The following PGBD5 variants were observed in gnomAD, a reference collection of about 807,000 sequenced individuals.
The protein encoded by PGBD5 is piggyBac transposable element derived 5, also known as piggyBac transposable element-derived protein 5.
PGBD5 carries 14 observed loss-of-function variants against 47.9 expected under a neutral mutation model. The ratio of observed to expected loss-of-function variants is 0.29; its 90% CI spans 0.19 to 0.46. PGBD5 has a LOEUF of 0.46. Among genes scored for constraint, PGBD5 ranks in the 20% least tolerant of loss-of-function variants. The pLI is 1.00. For synonymous variants in PGBD5, 316 were observed against 306.3 expected (o/e 1.03, Z -0.33); for missense variants, 635 against 716.0 (o/e 0.89, Z 1.29).
At chr1:230,368,418 T>C (rs1456354343) in intron 1 of PGBD5, among the ~76,000 whole-genome samples, 1 of 152,238 alleles carries the variant, frequency 6.6e-6, no homozygotes, top group African/African-American at 2.4e-5. Flanking sequence ...CTGTCATTTA[T>C]GGTGAATCCC....
intron 1 of PGBD5, among the ~76,000 whole-genome samples, chr1:230,378,420 A>G (rs1359491278): frequency 6.6e-6 from 1 of 152,258 alleles, no homozygotes; most frequent in Non-Finnish European, 1.5e-5. Context: ...CTCTGTATTC[A>G]GAAATCTCCC....
chr1:230,377,392 C>T, intron 1 of PGBD5: 1 of 1,273,394 alleles, frequency 7.9e-7, no homozygotes, highest in Non-Finnish European at 1.1e-6. Context: ...GTGATAAATC[C>T]TTCATAAAGG....
rs575413333 is a variant in PGBD5 at position 230,370,856 on chromosome 1, G to A, written c.332-13535C>T. ...AGAGCCCCTTTGGTGTTCACCTCTC[G>A]AAGCTGCCCGTCTGTGATCTGGTCC... On this transcript the variant is annotated intron_variant, in intron 1 of 6. Transcript: ENST00000391860. Among the ~76,000 whole-genome samples the A allele has an allele frequency of 1.1e-4, 17 of 152,320 alleles. No individual in the cohort carries two copies. In the South Asian group the frequency reaches 1.5e-3, roughly 13 times the overall value.
At chr1:230,413,601 A>T (rs944599967) in intron 1 of PGBD5, among the ~76,000 whole-genome samples, 4 of 152,194 alleles carry the variant, frequency 2.6e-5, no homozygotes, top group Non-Finnish European at 4.4e-5. Flanking sequence ...GAGATTTTTT[A>T]AATCATTAAA....
intron 1 of PGBD5, among the ~76,000 whole-genome samples, chr1:230,391,443 T>G (rs1656783611): frequency 6.6e-6 from 1 of 152,228 alleles, no homozygotes; most frequent in Non-Finnish European, 1.5e-5. Context: ...AGAGAATTTC[T>G]CAAATTGCAT....
chr1:230,374,170 G>A (rs947634014), intron 1 of PGBD5, among the ~76,000 whole-genome samples: 1 of 152,172 alleles, frequency 6.6e-6, no homozygotes, highest in Admixed American at 6.5e-5. Flanking sequence ...TGTAATCCCA[G>A]CACTTTGGGA....
Position 230,315,617 on chromosome 1 carries a change from G to C in PGBD5, c.*7808C>G, listed in dbSNP as rs958408736. The C allele has an allele frequency of 6.6e-6, 1 of 151,918 alleles. No individual in the cohort carries two copies. The highest frequency in any genetic ancestry group is 6.5e-5 in the Admixed American group (1 of 15,272). The allele number at this position is 151,918 out of a possible 1,614,324, so 9.4% of individuals were successfully genotyped here. ...GGGGCCAGGACTGGACATGTGGTTT[G>C]ATTGCTAAGGACCTAGCAGAGGCTC... On this transcript the variant is annotated 3_prime_UTR_variant, in exon 7 of 7. Coordinates refer to ENST00000391860, the MANE Select transcript of PGBD5 (RefSeq NM_001258311.2).
At chr1:230,383,576 T>C (rs1164280529) in intron 1 of PGBD5, among the ~76,000 whole-genome samples, 6 of 152,156 alleles carry the variant, frequency 3.9e-5, no homozygotes, top group Non-Finnish European at 8.8e-5. Flanking sequence ...CTCACTATGT[T>C]GCCCAGGCTG....
chr1:230,392,947 G>C (rs1367485578), intron 1 of PGBD5, among the ~76,000 whole-genome samples: 1 of 151,792 alleles, frequency 6.6e-6, no homozygotes, highest in Non-Finnish European at 1.5e-5. Flanking sequence ...GGAACTGGAG[G>C]GAGAGGCACA....
chr1:230,356,322 A>G (rs1667645072), intron 2 of PGBD5, among the ~76,000 whole-genome samples: 1 of 152,156 alleles, frequency 6.6e-6, no homozygotes. Context: ...TCGGGAGCTG[A>G]GAGTAGGCAG....
chr1:230,391,626 A>G (rs982923056), intron 1 of PGBD5, among the ~76,000 whole-genome samples: 2 of 152,170 alleles, frequency 1.3e-5, no homozygotes, highest in African/African-American at 4.8e-5. Flanking sequence ...CAGTAAAACA[A>G]TTTCCAAGAC....
chr1:230,351,163 T>C, intron 2 of PGBD5, 71 bp from the exon 3 acceptor site: 1 of 1,481,352 alleles, frequency 6.8e-7, no homozygotes, highest in Non-Finnish European at 9.0e-7. Flanking sequence ...AGATTGGAGC[T>C]CAAATTCAGC....
chr1:230,362,437 G>C, intron 1 of PGBD5: 1 of 1,282,276 alleles, frequency 7.8e-7, no homozygotes, highest in Non-Finnish European at 1.0e-6. Flanking sequence ...CTGGACCGTG[G>C]CAAGCTCTTT....
At chr1:230,345,365 C>T (rs549256245) in intron 3 of PGBD5, among the ~76,000 whole-genome samples, 1 of 152,328 alleles carries the variant, frequency 6.6e-6, no homozygotes, top group Admixed American at 6.5e-5. Context: ...AGGTGGCTTT[C>T]CCCTACACTG....
intron 2 of PGBD5, among the ~76,000 whole-genome samples, chr1:230,355,233 G>C (rs559958877): frequency 6.6e-6 from 1 of 152,334 alleles, no homozygotes; most frequent in African/African-American, 2.4e-5. Flanking sequence ...GCCAGGCTCA[G>C]CAATGCTGCT....
At chr1:230,366,048 C>T (rs1667828252) in intron 1 of PGBD5, among the ~76,000 whole-genome samples, 1 of 152,234 alleles carries the variant, frequency 6.6e-6, no homozygotes, top group South Asian at 2.1e-4. Context: ...CTCCTGCCAA[C>T]AGAAAGCCCC....
At chr1:230,376,142 G>A (rs986285985) in intron 1 of PGBD5, among the ~76,000 whole-genome samples, 1 of 152,060 alleles carries the variant, frequency 6.6e-6, no homozygotes, top group South Asian at 2.1e-4. Flanking sequence ...GGGATGCGTG[G>A]AGTCCTTCCT....
At position 230,316,230 on chromosome 1, in the gene PGBD5, A is replaced by T. The variant is rs572696185; in HGVS notation, c.*7195T>A. 20 of 146,884 alleles carry T rather than the reference A, an allele frequency of 1.4e-4. No individual in the cohort carries two copies. In the South Asian group the frequency reaches 4.4e-3, roughly 32 times the overall value. 9.1% of individuals were successfully genotyped at this position (146,884 alleles called of 1,614,324 possible). A position where few individuals can be genotyped will look rare whatever the true frequency, so the allele number is the denominator to read the frequency against. Reference sequence around the variant, plus strand: ...TATGTACACATGTGTATATGTGTATACGTACATATGTGTATATATGTATTA... The same window carrying T: ...TATGTACACATGTGTATATGTGTATTCGTACATATGTGTATATATGTATTA... On this transcript the variant is annotated 3_prime_UTR_variant, in exon 7 of 7. Transcript: ENST00000391860.
chr1:230,362,322 T>C, intron 1 of PGBD5: 1 of 1,367,790 alleles, frequency 7.3e-7, no homozygotes, highest in Non-Finnish European at 9.8e-7. Flanking sequence ...GCACGAGGAA[T>C]GGATTATAGG....
Sources: allele counts gnomAD v4.1 joint callset (sites outside exome capture counted in the v4.1 genomes callset), GRCh38; gene constraint gnomAD v4.1.1; transcripts MANE v1.5; gene names NCBI Gene and HGNC (gene_info 2026-07-23, HGNC 2026-07-21).